The following SEL1L variants were observed in gnomAD, a reference collection of about 807,000 sequenced individuals.
The protein encoded by SEL1L is protein sel-1 homolog 1.
A neutral mutation model predicts 109.8 loss-of-function variants in SEL1L; 52 were observed. The ratio of observed to expected loss-of-function variants is 0.47; its 90% confidence interval spans 0.38 to 0.60. The LOEUF is 0.60. Among genes scored for constraint, SEL1L ranks in the 20% least tolerant of loss-of-function variants. SEL1L has a pLI of 0.00. For synonymous variants in SEL1L, 373 were observed against 339.6 expected (o/e 1.10, Z -1.08); for missense variants, 749 against 962.2 (o/e 0.78, Z 2.93).
intron 3 of SEL1L, among the ~76,000 whole-genome samples, chr14:81,518,148 C>T (rs1884773109): frequency 6.6e-6 from 1 of 151,636 alleles, no homozygotes. Context: ...CTGCCTTGGC[C>T]TCCCAAAATG....
At chr14:81,492,085 T>C (rs1289835115) in intron 12 of SEL1L, among the ~76,000 whole-genome samples, 3 of 151,978 alleles carry the variant, frequency 2.0e-5, no homozygotes, top group African/African-American at 7.3e-5. Context: ...TGCAGTGGCG[T>C]GGTCTCGACT....
chr14:81,526,926 A>G lies in SEL1L; in HGVS notation c.147T>C (p.Thr49=), dbSNP rs200398006. 14 of 1,607,158 alleles carry G rather than the reference A, an allele frequency of 8.7e-6. No homozygotes were observed. Among genetic ancestry groups the G allele is most frequent in the African/African-American group, 5.4e-5 (4 of 74,490 alleles). Residue 49 remains threonine, a synonymous_variant, in exon 3 of 21, where the codon ACT becomes ACC. Transcript: ENST00000336735. Reference sequence around the variant, plus strand: ...GACCAGCAACTACTCTGCCTGCAGTAGTATGGTCCTTTACTGACTCATCTG... The same window carrying G: ...GACCAGCAACTACTCTGCCTGCAGTGGTATGGTCCTTTACTGACTCATCTG... The part of the protein sequence containing the change: ...LTSDESVKDH[T]TAGRVVAGQI...
chr14:81,479,852 G>C (rs1903291417), intron 19 of SEL1L, 112 bp from the exon 20 acceptor site: 1 of 1,032,094 alleles, frequency 9.7e-7, no homozygotes, highest in Non-Finnish European at 1.3e-6. Flanking sequence ...TTTAAAATGA[G>C]TTTCCCTCAC....
chr14:81,502,622 G>T, intron 6 of SEL1L, 99 bp downstream of exon 6: 1 of 1,190,752 alleles, frequency 8.4e-7, no homozygotes, highest in Non-Finnish European at 1.2e-6. Context: ...TTATCTTCCA[G>T]TCTGACTTTT....
At chr14:81,477,209 A>T in intron 20 of SEL1L, 28 bp from the exon 21 acceptor site, 1 of 1,552,586 alleles carries the variant, frequency 6.4e-7, no homozygotes, top group Non-Finnish European at 8.9e-7. Flanking sequence ...AGAAACCATT[A>T]TTATCACTAA....
At chr14:81,481,754 C>G (rs896225213) in intron 19 of SEL1L, among the ~76,000 whole-genome samples, 2 of 152,004 alleles carry the variant, frequency 1.3e-5, no homozygotes, top group African/African-American at 2.4e-5. Flanking sequence ...GTAATGGGAC[C>G]GCGTGCAGTG....
rs374959746 is a variant in SEL1L, at chr14:81,486,522, T to C, written c.1633-68A>G. On this transcript the variant is annotated intron_variant, in intron 16 of 20. Coordinates refer to ENST00000336735, the MANE Select transcript of SEL1L (RefSeq NM_005065.6). ...GAAAGATATACCAGAAAATCACTTA[T>C]GCACTTTGGTTACACATGACTATTA... The C allele has an allele frequency of 1.7e-4, 258 of 1,510,540 alleles. No homozygotes were observed. The African/African-American group carries it at 2.1e-3, about 12-fold the overall frequency. The allele number at this position is 1,510,540 out of a possible 1,614,324, so 93.6% of individuals were successfully genotyped here.
At chr14:81,519,794 T>TC (rs1174929442) in intron 3 of SEL1L, among the ~76,000 whole-genome samples, 3 of 152,136 alleles carry the variant, frequency 2.0e-5, no homozygotes, top group African/African-American at 7.2e-5. Flanking sequence ...TGACAGTGGA[T>TC]TTGGGCAAAG....
At chr14:81,499,001 G>T in intron 8 of SEL1L, 2 of 539,728 alleles carry the variant, frequency 3.7e-6, no homozygotes, top group Non-Finnish European at 4.7e-6. Flanking sequence ...GCTCTCTGGA[G>T]TCATTCTGCA....
At chr14:81,498,697 T>C in intron 8 of SEL1L, 1 of 492,436 alleles carries the variant, frequency 2.0e-6, no homozygotes, top group Non-Finnish European at 3.6e-6. Flanking sequence ...AGCAAGGAAA[T>C]AAATAATATA....
chr14:81,500,642 C>T (rs1321004634), intron 6 of SEL1L, among the ~76,000 whole-genome samples: 1 of 152,078 alleles, frequency 6.6e-6, no homozygotes, highest in Non-Finnish European at 1.5e-5. Flanking sequence ...TTATGAACAG[C>T]CATTATGAAG....
Position 81,476,681 on chromosome 14 carries a change from T to C in SEL1L, c.*291A>G, listed in dbSNP as rs1903169784. The C allele has an allele frequency of 8.3e-6, 3 of 360,950 alleles. No individual in the cohort carries two copies. Among genetic ancestry groups the C allele is most frequent in the Non-Finnish European group, 1.5e-5 (3 of 195,410 alleles). 22.4% of individuals were successfully genotyped at this position (360,950 alleles called of 1,614,324 possible). A position where few individuals can be genotyped will look rare whatever the true frequency, so the allele number is the denominator to read the frequency against. On this transcript the variant is annotated 3_prime_UTR_variant, in exon 21 of 21. Transcript: ENST00000336735. ...ATCCAAGAAAGATAGCTGGATACAG[T>C]AGACATTACTCTGAGTGTCTCACAT...
chr14:81,533,526 C>T, intron 1 of SEL1L, 149 bp downstream of exon 1: 1 of 756,560 alleles, frequency 1.3e-6, no homozygotes, highest in Non-Finnish European at 2.1e-6. Flanking sequence ...TGGCGCAGGC[C>T]AAGCAAAGCC....
intron 1 of SEL1L, among the ~76,000 whole-genome samples, chr14:81,533,189 A>G (rs1257992387): frequency 6.6e-6 from 1 of 151,684 alleles, no homozygotes; most frequent in East Asian, 1.9e-4. Context: ...GTTTTTAAAC[A>G]GACAGACCAG....
At chr14:81,517,282 A>T (rs1157916755) in intron 3 of SEL1L, among the ~76,000 whole-genome samples, 2 of 152,200 alleles carry the variant, frequency 1.3e-5, no homozygotes, top group East Asian at 1.9e-4. Flanking sequence ...ATGAGGGAAA[A>T]GGCAGTGTAT....
intron 20 of SEL1L, 32 bp downstream of exon 20, chr14:81,479,580 T>C: frequency 5.1e-6 from 8 of 1,581,718 alleles, no homozygotes; most frequent in Non-Finnish European, 6.9e-6. Flanking sequence ...CCATCATTTA[T>C]ATTTTAATGA....
intron 2 of SEL1L, 59 bp downstream of exon 2, chr14:81,527,642 A>G: frequency 1.6e-6 from 2 of 1,265,350 alleles, no homozygotes; most frequent in East Asian, 5.0e-5. Flanking sequence ...TCTAAGATAC[A>G]TAATTCATCC....
intron 11 of SEL1L, among the ~76,000 whole-genome samples, chr14:81,494,316 T>C (rs889368041): frequency 1.1e-4 from 16 of 152,206 alleles, no homozygotes; most frequent in Non-Finnish European, 2.2e-4. Flanking sequence ...TATCTTCCTT[T>C]ACCGTAGTTC....
rs1163419381 is a variant in SEL1L, at chr14:81,486,278, A to G, written c.1798+11T>C. 6.2e-6 allele frequency: 10 copies of G among 1,613,738 alleles called. No individual in the cohort carries two copies. The African/African-American group carries it at 1.1e-4, about 17-fold the overall frequency. ...ATTCTAAACCTAAGGCAGGACTAAA[A>G]TGAACCTTACTCTGATCAAGAATAA... On this transcript the variant is annotated intron_variant, in intron 17 of 20. Transcript: ENST00000336735.
Sources: allele counts gnomAD v4.1 joint callset (sites outside exome capture counted in the v4.1 genomes callset), GRCh38; gene constraint gnomAD v4.1.1; transcripts MANE v1.5; gene names NCBI Gene and HGNC (gene_info 2026-07-23, HGNC 2026-07-21).